The following MAD1L1 variants were observed in gnomAD, a reference collection of about 807,000 sequenced individuals.
The protein encoded by MAD1L1 is mitotic arrest deficient 1 like 1, also known as mitotic spindle assembly checkpoint protein MAD1.
MAD1L1 carries 95 observed loss-of-function variants against 96.9 expected under a neutral mutation model. The ratio of observed to expected loss-of-function variants is 0.98; its 90% confidence interval spans 0.83 to 1.16. The LOEUF is 1.16. Ranked by LOEUF, MAD1L1 falls within the 50% of genes most tolerant of loss-of-function variation. The probability of loss-of-function intolerance (pLI) is 0.00; values close to 1 mark genes in which losing one functional copy is unlikely to be tolerated. For missense variants in MAD1L1, 1,007 were observed against 954.4 expected, an observed-to-expected ratio of 1.06 and a Z score of -0.73; for synonymous variants, 473 against 396.6, an observed-to-expected ratio of 1.19 and a Z score of -2.29.
chr7:2,075,247 T>A (rs758649491), intron 11 of MAD1L1, among the ~76,000 whole-genome samples: 1 of 152,116 alleles, frequency 6.6e-6, no homozygotes, highest in Admixed American at 6.5e-5. Context: ...AGGCCCCCCA[T>A]CTAGCGTTTC....
At chr7:2,038,498 C>CTTTTTTTTTTTTTTTTTTTTTT (rs60466584) in intron 12 of MAD1L1, among the ~76,000 whole-genome samples, 1 of 92,826 alleles carries the variant, frequency 1.1e-5, no homozygotes, top group Non-Finnish European at 2.2e-5. Context: ...AAGCTGATGA[C>CTTTTTTTTTTTTTTTTTTTTTT]TTTTTTTTTT....
chr7:2,033,745 A>C (rs1389094378), intron 12 of MAD1L1, among the ~76,000 whole-genome samples: 1 of 152,250 alleles, frequency 6.6e-6, no homozygotes, highest in African/African-American at 2.4e-5. Context: ...GCGCTTCTGG[A>C]AAACGAGTCA....
intron 16 of MAD1L1, among the ~76,000 whole-genome samples, chr7:1,945,262 G>A (rs533926354): frequency 8.5e-5 from 13 of 152,338 alleles, no homozygotes; most frequent in South Asian, 4.1e-4. Flanking sequence ...GTCCAGCTCC[G>A]CGGTGACAGG....
intron 12 of MAD1L1, among the ~76,000 whole-genome samples, chr7:2,051,670 C>G (rs1457761062): frequency 7.7e-6 from 1 of 130,324 alleles, no homozygotes; most frequent in South Asian, 3.0e-4. Context: ...CTGCGCCTGC[C>G]GGGTCACCTC....
intron 16 of MAD1L1, among the ~76,000 whole-genome samples, chr7:1,953,725 G>A (rs1463339360): frequency 2.6e-5 from 4 of 152,220 alleles, no homozygotes; most frequent in Admixed American, 6.5e-5. Context: ...GGCGCTCGCT[G>A]CAAACTTCCC....
chr7:2,122,095 G>C (rs1479749815), intron 11 of MAD1L1, among the ~76,000 whole-genome samples: 1 of 152,216 alleles, frequency 6.6e-6, no homozygotes, highest in Non-Finnish European at 1.5e-5. Context: ...GGCTTGTCTG[G>C]AGGGACAAGC....
At chr7:1,816,824 C>T (rs568661571) in intron 18 of MAD1L1, among the ~76,000 whole-genome samples, 2 of 152,102 alleles carry the variant, frequency 1.3e-5, no homozygotes, top group East Asian at 3.9e-4. Context: ...GCTGCTGTGC[C>T]ACGGTCCTGG....
At chr7:2,027,099 TA>T (rs1432122776) in intron 12 of MAD1L1, among the ~76,000 whole-genome samples, 1 of 152,046 alleles carries the variant, frequency 6.6e-6, no homozygotes, top group Non-Finnish European at 1.5e-5. Flanking sequence ...AAATGAATTT[TA>T]AAGTTTTGAT....
chr7:2,121,655 A>C (rs1787986424), intron 11 of MAD1L1, among the ~76,000 whole-genome samples: 1 of 149,752 alleles, frequency 6.7e-6, no homozygotes, highest in Non-Finnish European at 1.5e-5. Flanking sequence ...TTGGGCCCAG[A>C]GCCAAGGTGG....
chr7:1,970,492 C>A (rs998743258), intron 15 of MAD1L1, among the ~76,000 whole-genome samples: 2 of 151,970 alleles, frequency 1.3e-5, no homozygotes, highest in Non-Finnish European at 2.9e-5. Flanking sequence ...CGCCACCACG[C>A]CCAGCTAAGT....
intron 14 of MAD1L1, among the ~76,000 whole-genome samples, chr7:2,001,183 C>A (rs950411412): frequency 6.6e-6 from 1 of 152,254 alleles, no homozygotes; most frequent in Admixed American, 6.5e-5. Flanking sequence ...ACGGGAGCCT[C>A]GACCTGGGCT....
intron 11 of MAD1L1, among the ~76,000 whole-genome samples, chr7:2,084,041 A>T (rs1785785487): frequency 6.6e-6 from 1 of 152,182 alleles, no homozygotes; most frequent in Non-Finnish European, 1.5e-5. Flanking sequence ...GAATGCTCAC[A>T]TCCGAGCCGC....
intron 11 of MAD1L1, among the ~76,000 whole-genome samples, chr7:2,082,425 G>A (rs1478209004): frequency 6.6e-6 from 1 of 152,208 alleles, no homozygotes; most frequent in African/African-American, 2.4e-5. Context: ...AGACCAGAGG[G>A]AAGGAGCCGG....
chr7:2,065,856 T>C (rs936799841), intron 12 of MAD1L1, among the ~76,000 whole-genome samples: 2 of 152,204 alleles, frequency 1.3e-5, no homozygotes, highest in African/African-American at 4.8e-5. Flanking sequence ...GAGGCTTTTC[T>C]GTCATTTGAA....
rs112970783 is a variant in MAD1L1, at chr7:2,030,843, G to A, written c.1219-16201C>T. Among the ~76,000 whole-genome samples the A allele has an allele frequency of 6.0e-3, 910 of 152,284 alleles. 7 individuals are homozygous for A. The highest frequency in any genetic ancestry group is 0.024 in the Middle Eastern group (7 of 294). On this transcript the variant is annotated intron_variant, in intron 12 of 18. Transcript: ENST00000265854. ...CTCCTCAGCCCCCAACCTGCGCCTGGTGCTCTCGGCCAACCTTGCTCAGAG... is the reference window on the plus strand; with the variant it reads ...CTCCTCAGCCCCCAACCTGCGCCTGATGCTCTCGGCCAACCTTGCTCAGAG...
chr7:2,109,447 C>T (rs1787267381), intron 11 of MAD1L1: 1 of 152,220 alleles, frequency 6.6e-6, no homozygotes, highest in African/African-American at 2.4e-5. Context: ...GCCCCAAGGA[C>T]TCTGTCATTT....
intron 12 of MAD1L1, among the ~76,000 whole-genome samples, chr7:2,067,189 ACGTTCGC>A (rs1784913468): frequency 6.6e-6 from 1 of 150,752 alleles, no homozygotes; most frequent in African/African-American, 2.5e-5. Context: ...TCATCAGGCC[ACGTTCGC>A]AGGCACCCGG....
At chr7:1,943,201 T>C (rs1779080035) in intron 16 of MAD1L1, among the ~76,000 whole-genome samples, 1 of 152,126 alleles carries the variant, frequency 6.6e-6, no homozygotes, top group Non-Finnish European at 1.5e-5. Flanking sequence ...CCTCCTAACC[T>C]TGGATTTAAC....
intron 10 of MAD1L1, among the ~76,000 whole-genome samples, chr7:2,211,778 T>C (rs1792960834): frequency 6.6e-6 from 1 of 152,186 alleles, no homozygotes; most frequent in Admixed American, 6.5e-5. Context: ...GACAGAGAAC[T>C]GAAGCCAGTA....
Sources: allele counts gnomAD v4.1 joint callset (sites outside exome capture counted in the v4.1 genomes callset), GRCh38; gene constraint gnomAD v4.1.1; transcripts MANE v1.5; gene names NCBI Gene and HGNC (gene_info 2026-07-23, HGNC 2026-07-21).